ERC2: variants seen among roughly 807,000 people sequenced by gnomAD.
ERC2 encodes the protein ERC protein 2.
Under a neutral mutation model 114.8 loss-of-function variants are expected in ERC2, and 42 were observed. That is an observed-to-expected ratio of 0.37 (90% CI 0.29 to 0.47). The LOEUF is 0.47. Ranked by LOEUF, ERC2 falls within the 20% of genes least tolerant of loss-of-function variation. The probability of loss-of-function intolerance (pLI) is 0.99; values close to 1 mark genes in which losing one functional copy is unlikely to be tolerated. For synonymous variants in ERC2, 454 were observed against 425.5 expected (o/e 1.07, Z -0.82); for missense variants, 939 against 1,150.7 (o/e 0.82, Z 2.66).
At chr3:55,739,603 G>T (rs930468769) in intron 14 of ERC2, among the ~76,000 whole-genome samples, 1 of 151,952 alleles carries the variant, frequency 6.6e-6, no homozygotes, top group Non-Finnish European at 1.5e-5. Flanking sequence ...TTTTTGTGGG[G>T]TTGTTTTTTT....
chr3:56,005,100 T>A (rs2072378176), intron 10 of ERC2, among the ~76,000 whole-genome samples: 1 of 152,098 alleles, frequency 6.6e-6, no homozygotes, highest in Admixed American at 6.6e-5. Flanking sequence ...AAAATAGCAT[T>A]TGCAGGTTAG....
chr3:55,985,878 G>A (rs191399835), intron 12 of ERC2, 99 bp downstream of exon 12: 382 of 1,139,544 alleles, frequency 3.4e-4, no homozygotes, highest in Middle Eastern at 7.7e-4. Context: ...GCAGTGGCCC[G>A]AGGAAAACCA....
At chr3:56,062,068 G>A (rs1194312374) in intron 7 of ERC2, among the ~76,000 whole-genome samples, 3 of 151,980 alleles carry the variant, frequency 2.0e-5, no homozygotes, top group Non-Finnish European at 4.4e-5. Flanking sequence ...ATTGGCTTAT[G>A]CAATAAAAAT....
chr3:56,314,110 T>C (rs753263240), intron 2 of ERC2, among the ~76,000 whole-genome samples: 7 of 152,154 alleles, frequency 4.6e-5, no homozygotes, highest in Non-Finnish European at 1.0e-4. Context: ...CAAATTAAGA[T>C]CTCTGACTAT....
chr3:56,319,320 A>G lies in ERC2; in HGVS notation c.658-22885T>C, dbSNP rs1156782157. ...ATATTATTCAGCCTTAAAAAAAAAA[A>G]AGAAAATTCTGCCATATGCCACAAC... On this transcript the variant is annotated intron_variant, in intron 2 of 17. Transcript: ENST00000288221. Among the ~76,000 whole-genome samples, 3 of 152,182 alleles carry G rather than the reference A, an allele frequency of 2.0e-5. No individual in the cohort carries two copies. In the East Asian group the frequency reaches 5.8e-4, roughly 29 times the overall value.
chr3:56,362,976 C>A (rs1460579444), intron 2 of ERC2, among the ~76,000 whole-genome samples: 4 of 152,154 alleles, frequency 2.6e-5, no homozygotes, highest in Non-Finnish European at 4.4e-5. Context: ...GGGAGGGGTA[C>A]ACAGGATAGT....
chr3:55,826,859 G>A (rs901167058), intron 14 of ERC2, among the ~76,000 whole-genome samples: 19 of 152,142 alleles, frequency 1.2e-4, no homozygotes, highest in African/African-American at 4.6e-4. Context: ...GAAGACTGGC[G>A]AGGCACATTG....
chr3:55,597,401 CAG>C (rs1314202832), intron 17 of ERC2, among the ~76,000 whole-genome samples: 1 of 138,932 alleles, frequency 7.2e-6, no homozygotes, highest in African/African-American at 2.7e-5. Flanking sequence ...GCCTGGGTGA[CAG>C]AGTGAGACTC....
chr3:55,725,569 G>A (rs1223259026), intron 15 of ERC2, among the ~76,000 whole-genome samples: 1 of 152,152 alleles, frequency 6.6e-6, no homozygotes, highest in East Asian at 1.9e-4. Flanking sequence ...CTATGATACT[G>A]CTAGTAGAGA....
intron 2 of ERC2, among the ~76,000 whole-genome samples, chr3:56,405,916 A>T (rs1576798634): frequency 1.8e-5 from 2 of 110,004 alleles, no homozygotes; most frequent in African/African-American, 7.3e-5. Flanking sequence ...TTTTTGAGAT[A>T]GAGTCTCACT....
intron 14 of ERC2, among the ~76,000 whole-genome samples, chr3:55,837,625 GA>G (rs1360611652): frequency 2.0e-5 from 3 of 150,954 alleles, no homozygotes; most frequent in African/African-American, 7.3e-5. Flanking sequence ...GAGGGGTAGG[GA>G]TAGCATTAGG....
chr3:55,681,047 G>C (rs556758746), intron 17 of ERC2, among the ~76,000 whole-genome samples: 63 of 152,162 alleles, frequency 4.1e-4, no homozygotes, highest in African/African-American at 1.5e-3. Flanking sequence ...ATAAATCCAG[G>C]CCTGGGTGTG....
chr3:56,303,044 T>C (rs941953631), intron 2 of ERC2, among the ~76,000 whole-genome samples: 1 of 152,222 alleles, frequency 6.6e-6, no homozygotes, highest in African/African-American at 2.4e-5. Context: ...AGGTTTTTAC[T>C]CGCCACCCTG....
intron 17 of ERC2, among the ~76,000 whole-genome samples, chr3:55,513,155 C>T (rs145309888): frequency 7.7e-4 from 118 of 152,292 alleles, no homozygotes; most frequent in African/African-American, 2.8e-3. Flanking sequence ...CCAACAACAG[C>T]GCCATTTCAA....
chr3:56,149,794 T>C (rs2081324047), intron 4 of ERC2, among the ~76,000 whole-genome samples: 1 of 152,154 alleles, frequency 6.6e-6, no homozygotes, highest in African/African-American at 2.4e-5. Context: ...ATGACTACCT[T>C]GCAGGGCAGT....
intron 17 of ERC2, among the ~76,000 whole-genome samples, chr3:55,577,360 A>C (rs1352819284): frequency 6.6e-6 from 1 of 152,220 alleles, no homozygotes; most frequent in Non-Finnish European, 1.5e-5. Flanking sequence ...CTACTAATAA[A>C]AGGGCAGTGA....
intron 6 of ERC2, among the ~76,000 whole-genome samples, chr3:56,092,816 G>A (rs1222312542): frequency 2.6e-5 from 4 of 152,242 alleles, no homozygotes; most frequent in South Asian, 2.1e-4. Context: ...AATACCATGT[G>A]TCATTCATAT....
intron 2 of ERC2, among the ~76,000 whole-genome samples, chr3:56,380,467 C>A (rs1332006280): frequency 1.3e-5 from 2 of 152,136 alleles, no homozygotes; most frequent in South Asian, 2.1e-4. Flanking sequence ...CCGAGAAGTT[C>A]TCCTGCCACA....
intron 16 of ERC2, among the ~76,000 whole-genome samples, chr3:55,693,445 C>T (rs1054523396): frequency 6.6e-6 from 1 of 152,114 alleles, no homozygotes; most frequent in Non-Finnish European, 1.5e-5. Context: ...TGGCAATCCA[C>T]TGCCAAGAAC....
Sources: allele counts gnomAD v4.1 joint callset (sites outside exome capture counted in the v4.1 genomes callset), GRCh38; gene constraint gnomAD v4.1.1; transcripts MANE v1.5; gene names NCBI Gene and HGNC (gene_info 2026-07-23, HGNC 2026-07-21).